The following KLHL13 variants were observed in gnomAD, a reference collection of about 807,000 sequenced individuals.
The protein encoded by KLHL13 is kelch like family member 13.
A neutral mutation model predicts 37.1 loss-of-function variants in KLHL13; 10 were observed. That is an observed-to-expected ratio of 0.27 (90% confidence interval 0.17 to 0.46). The LOEUF (loss-of-function observed/expected upper bound fraction) is 0.46. Among genes scored for constraint, KLHL13 ranks in the 20% least tolerant of loss-of-function variants. KLHL13 has a pLI of 1.00. For missense variants in KLHL13, 360 were observed against 509.3 expected (o/e 0.71, Z 2.82); for synonymous variants, 163 against 181.2 (o/e 0.90, Z 0.81).
intron 1 of KLHL13, among the ~76,000 whole-genome samples, chrX:118,031,458 T>C (rs774592143): frequency 1.1e-5 from 1 of 90,217 alleles, no homozygotes; most frequent in African/African-American, 5.2e-5. Flanking sequence ...TATATATAGA[T>C]ATATATATTT....
chrX:117,993,371 T>C, intron 1 of KLHL13, among the ~76,000 whole-genome samples: 1 of 112,367 alleles, frequency 8.9e-6, no homozygotes, highest in Non-Finnish European at 1.9e-5. Flanking sequence ...ATTTGTTTGA[T>C]CACTTACCAT....
intron 1 of KLHL13, among the ~76,000 whole-genome samples, chrX:118,048,301 T>TATGTACACAC (rs2054579907): frequency 9.0e-6 from 1 of 111,640 alleles, no homozygotes; most frequent in South Asian, 3.7e-4. Flanking sequence ...CAAGTACACA[T>TATGTACACAC]ATGTACACAC....
chrX:118,091,195 G>A (rs1015276383), intron 1 of KLHL13, among the ~76,000 whole-genome samples: 2 of 108,035 alleles, frequency 1.9e-5, no homozygotes, highest in Non-Finnish European at 3.8e-5. Context: ...GAGTTAATGG[G>A]TGCAGCACAC....
chrX:117,934,343 T>G (rs1932661321), intron 2 of KLHL13, among the ~76,000 whole-genome samples: 1 of 111,516 alleles, frequency 9.0e-6, no homozygotes, highest in Non-Finnish European at 1.9e-5. Flanking sequence ...TTGAGGTTTA[T>G]CAGACAGGAA....
chrX:117,994,380 A>G lies in KLHL13; in HGVS notation c.-55-48805T>C, dbSNP rs150134588. Among the ~76,000 whole-genome samples, 134 of 110,378 alleles carry G rather than the reference A, an allele frequency of 1.2e-3. 1 individual carries two copies. In the East Asian group the frequency reaches 0.032, roughly 27 times the overall value. ...GTGATCCTCCCACCTTAGTCTTCTG[A>G]GTAGCTGAGACTACAGGTGCTTGCC... On this transcript the variant is annotated intron_variant, in intron 1 of 6. Transcript: ENST00000371882.
At chrX:118,111,980 G>A (rs1463931543) in intron 1 of KLHL13, among the ~76,000 whole-genome samples, 1 of 112,165 alleles carries the variant, frequency 8.9e-6, no homozygotes, top group Non-Finnish European at 1.9e-5. Context: ...TAAGAGGCAA[G>A]TTCTATTACC....
intron 1 of KLHL13, among the ~76,000 whole-genome samples, chrX:118,098,572 T>C (rs1330382436): frequency 3.6e-5 from 4 of 110,072 alleles, no homozygotes; most frequent in South Asian, 3.9e-4. Flanking sequence ...ATCCCATTAC[T>C]GGGTATATAC....
chrX:118,063,066 C>T (rs1300082511), intron 1 of KLHL13, among the ~76,000 whole-genome samples: 1 of 111,521 alleles, frequency 9.0e-6, no homozygotes, highest in Non-Finnish European at 1.9e-5. Context: ...AACCTAGCAG[C>T]AGCCTAGCAT....
In KLHL13 at chrX:118,052,005, A is replaced by G. The variant is rs1025518614; in HGVS notation, c.-56+64503T>C. Among the ~76,000 whole-genome samples, 5 of 111,482 alleles carry G rather than the reference A, an allele frequency of 4.5e-5. No homozygotes were observed. The Admixed American group carries it at 4.8e-4, about 11-fold the overall frequency. On this transcript the variant is annotated intron_variant, in intron 1 of 6. Coordinates refer to the KLHL13 transcript ENST00000371882. Reference sequence around the variant, plus strand: ...TACAGTGTGGTACTAGTGTGGGAACAGACAGAGGAATGAACAGAGTCGAAT... The same window carrying G: ...TACAGTGTGGTACTAGTGTGGGAACGGACAGAGGAATGAACAGAGTCGAAT...
At position 117,989,428 on chromosome X, in the gene KLHL13, A is replaced by T. The variant is rs997946021; in HGVS notation, c.-55-43853T>A. ...GTATTGTATTAATATTTATATTAATATTCATTTTAAGGAAAAACTACAAAT... is the reference window on the plus strand; with the variant it reads ...GTATTGTATTAATATTTATATTAATTTTCATTTTAAGGAAAAACTACAAAT... On this transcript the variant is annotated intron_variant, in intron 1 of 6. Coordinates refer to the KLHL13 transcript ENST00000371882. 1.8e-5 allele frequency among the ~76,000 whole-genome samples: 2 copies of T among 108,734 alleles called. 1 individual carries two copies. The highest frequency in any genetic ancestry group is 6.7e-5 in the African/African-American group (2 of 29,827). 94.4% of individuals were successfully genotyped at this position (108,734 alleles called of 115,157 possible). A position where few individuals can be genotyped will look rare whatever the true frequency, so the allele number is the denominator to read the frequency against.
At chrX:118,102,484 T>C (rs933488958) in intron 1 of KLHL13, among the ~76,000 whole-genome samples, 13 of 111,752 alleles carry the variant, frequency 1.2e-4, no homozygotes, top group Non-Finnish European at 2.3e-4. Context: ...TCCTATTCCT[T>C]TGAATGGAAT....
intron 1 of KLHL13, among the ~76,000 whole-genome samples, chrX:118,036,399 T>C (rs921374553): frequency 2.7e-5 from 3 of 111,330 alleles, no homozygotes; most frequent in South Asian, 3.8e-4. Context: ...AACAGAGATA[T>C]AGATCAATGA....
intron 4 of KLHL13, among the ~76,000 whole-genome samples, chrX:117,910,710 G>A (rs1028284536): frequency 9.0e-6 from 1 of 111,470 alleles, no homozygotes; most frequent in Non-Finnish European, 1.9e-5. Context: ...TTATTTATCT[G>A]GAAATATAAG....
At chrX:117,946,561 C>T (rs899449808) in intron 1 of KLHL13, 1 of 112,003 alleles carries the variant, frequency 8.9e-6, no homozygotes, top group African/African-American at 3.2e-5. Context: ...CTCTGGATCA[C>T]CTGCCTAAGA....
chrX:117,924,971 A>C (rs1005396581), intron 2 of KLHL13, among the ~76,000 whole-genome samples: 3 of 111,374 alleles, frequency 2.7e-5, no homozygotes, highest in Non-Finnish European at 5.7e-5. Context: ...AAACTTACCC[A>C]ATGTATCAAA....
intron 5 of KLHL13, among the ~76,000 whole-genome samples, chrX:117,904,174 TA>T (rs1185327739): frequency 3.6e-5 from 4 of 111,126 alleles, no homozygotes; most frequent in East Asian, 2.8e-4. Context: ...TTTTTCCAGC[TA>T]AAAATGCATC....
intron 1 of KLHL13, 31 bp from the exon 3 acceptor site, chrX:117,945,606 G>A (rs1933283906): frequency 8.8e-7 from 1 of 1,140,266 alleles, no homozygotes; most frequent in African/African-American, 1.8e-5. Flanking sequence ...GAAAGAAGGG[G>A]AAATTAAAAC....
chrX:118,028,493 A>G (rs1422549655), intron 1 of KLHL13: 1 of 1,047,946 alleles, frequency 9.5e-7, no homozygotes, highest in East Asian at 3.3e-5. Context: ...AAGTTGGATA[A>G]TGACCTGTTC....
upstream of KLHL13, among the ~76,000 whole-genome samples, chrX:117,978,736 C>T (rs2053623041): frequency 9.3e-6 from 1 of 107,988 alleles, no homozygotes; most frequent in Admixed American, 1.0e-4. Context: ...TTCAGAAGTT[C>T]TTGCCCTTCC....
Sources: gnomAD v4.1 joint callset for allele counts (sites outside exome capture counted in the v4.1 genomes callset) on GRCh38, gnomAD v4.1.1 for gene constraint, MANE v1.5 for transcripts, NCBI Gene and HGNC (gene_info 2026-07-23, HGNC 2026-07-21) for gene names.